The following TNFRSF10B variants were observed in gnomAD, a reference collection of about 807,000 sequenced individuals.
TNFRSF10B encodes the protein tumor necrosis factor receptor superfamily member 10B.
Under a neutral mutation model 41.4 loss-of-function variants are expected in TNFRSF10B, and 35 were observed. That is an observed-to-expected ratio of 0.85 (90% CI 0.65 to 1.12). The LOEUF (loss-of-function observed/expected upper bound fraction) is 1.12. Ranked by LOEUF, TNFRSF10B falls within the 50% of genes most tolerant of loss-of-function variation. TNFRSF10B has a pLI of 0.00. For missense variants in TNFRSF10B, 584 were observed against 552.7 expected (o/e 1.06, Z -0.57); for synonymous variants, 230 against 215.5 (o/e 1.07, Z -0.59).
At chr8:23,057,325 G>T (rs1032811111) in intron 1 of TNFRSF10B, among the ~76,000 whole-genome samples, 1 of 151,554 alleles carries the variant, frequency 6.6e-6, no homozygotes, top group African/African-American at 2.4e-5. Flanking sequence ...GATTACAGGC[G>T]TGAGCCACCG....
chr8:23,056,837 T>C (rs1812683134), intron 1 of TNFRSF10B, among the ~76,000 whole-genome samples: 1 of 152,142 alleles, frequency 6.6e-6, no homozygotes, highest in Non-Finnish European at 1.5e-5. Flanking sequence ...TATTTCCAAT[T>C]GAATTTCATT....
chr8:23,050,467 T>C (rs527365286), intron 1 of TNFRSF10B, among the ~76,000 whole-genome samples: 4 of 152,316 alleles, frequency 2.6e-5, no homozygotes, highest in Admixed American at 6.5e-5. Context: ...TATGTGTGTG[T>C]GTGCGCACGG....
intron 2 of TNFRSF10B, among the ~76,000 whole-genome samples, chr8:23,042,088 T>C (rs1448388699): frequency 6.6e-6 from 1 of 152,202 alleles, no homozygotes; most frequent in African/African-American, 2.4e-5. Context: ...TCCCCACACG[T>C]CATCCATCCA....
At chr8:23,049,491 C>A (rs1812459391) in intron 1 of TNFRSF10B, among the ~76,000 whole-genome samples, 1 of 152,142 alleles carries the variant, frequency 6.6e-6, no homozygotes, top group South Asian at 2.1e-4. Context: ...CACCCCAGCA[C>A]CTGGACCCAT....
At chr8:23,041,458 A>G (rs563125391) in intron 2 of TNFRSF10B, among the ~76,000 whole-genome samples, 28 of 152,218 alleles carry the variant, frequency 1.8e-4, no homozygotes, top group African/African-American at 6.3e-4. Flanking sequence ...CTTGAGCCCA[A>G]GTGGTTGAGG....
intron 2 of TNFRSF10B, among the ~76,000 whole-genome samples, chr8:23,035,878 G>T (rs1294122860): frequency 1.3e-5 from 2 of 152,166 alleles, no homozygotes; most frequent in African/African-American, 4.8e-5. Context: ...CTAGTTTTGA[G>T]TGGTGCTCAG....
intron 5 of TNFRSF10B, 44 bp downstream of exon 5, chr8:23,028,287 A>G (rs1811771573): frequency 1.2e-6 from 2 of 1,612,256 alleles, no homozygotes; most frequent in South Asian, 2.2e-5. Context: ...GGGAGGGGGC[A>G]GGGCAGAGAG....
intron 1 of TNFRSF10B, among the ~76,000 whole-genome samples, chr8:23,045,298 T>C (rs1295596758): frequency 6.6e-6 from 1 of 151,882 alleles, no homozygotes; most frequent in Non-Finnish European, 1.5e-5. Flanking sequence ...ATGAAAATAT[T>C]ATGAACAATT....
At chr8:23,040,236 C>A (rs1812132727) in intron 2 of TNFRSF10B, among the ~76,000 whole-genome samples, 1 of 139,198 alleles carries the variant, frequency 7.2e-6, no homozygotes, top group African/African-American at 2.7e-5. Context: ...AAGATATATA[C>A]TAAGTATATA....
chr8:23,042,533 C>T (rs769218357), intron 2 of TNFRSF10B, among the ~76,000 whole-genome samples: 9 of 152,128 alleles, frequency 5.9e-5, no homozygotes, highest in Non-Finnish European at 1.0e-4. Context: ...CAGGGGAGCG[C>T]CTCACACTCA....
At chr8:23,063,625 T>C (rs1005936547) in intron 1 of TNFRSF10B, among the ~76,000 whole-genome samples, 23 of 152,140 alleles carry the variant, frequency 1.5e-4, no homozygotes, top group African/African-American at 5.6e-4. Flanking sequence ...TGCGTTATCA[T>C]CATTTCCCTC....
Position 23,029,634 on chromosome 8 carries a change from T to C in TNFRSF10B, c.452A>G (p.Glu151Gly). The C allele has an allele frequency of 1.2e-6, 2 of 1,612,774 alleles. No homozygotes were observed. Among genetic ancestry groups the C allele is most frequent in the Non-Finnish European group, 1.7e-6 (2 of 1,179,518 alleles). Residue 151 changes from glutamate to glycine, a missense_variant, in exon 4 of 9, where the codon GAG (glutamate) becomes GGG (glycine). Transcript: ENST00000276431. ...EGTFREEDSPEMCRKCRTGCP... is the reference protein window; with the variant it reads ...EGTFREEDSPGMCRKCRTGCP... ...CCCTGTGCGGCACTTCCGGCACATC[T>C]CAGGAGAATCTTCTTCCCGGAAGGT...
At chr8:23,038,371 G>A (rs766373797) in intron 2 of TNFRSF10B, among the ~76,000 whole-genome samples, 1 of 152,212 alleles carries the variant, frequency 6.6e-6, no homozygotes, top group Non-Finnish European at 1.5e-5. Context: ...AGAATGCACA[G>A]CGAAAGAAGC....
rs1434444572 is a variant in TNFRSF10B, at chr8:23,043,228, CAG to C, written c.158_159del (p.Ser53CysfsTer39). The C allele has an allele frequency of 2.5e-6, 4 of 1,613,986 alleles. No homozygotes were observed. Among genetic ancestry groups the C allele is most frequent in the Non-Finnish European group, 2.5e-6 (3 of 1,180,020 alleles). On this transcript the variant is annotated frameshift_variant, in exon 2 of 9. Transcript: ENST00000276431. LOFTEE classifies it high-confidence loss of function. ...GCTAGGTCTTGTTGGGTGATCAGAG[CAG>C]ACTCAGCTGAGACCTGTGGGGACAA... Reference protein sequence around the residue: ...AAVLLLVSAESALITQQDLAP... With the variant: ...AAVLLLVSAEXALITQQDLAP...
chr8:23,048,002 A>G (rs1812412862), intron 1 of TNFRSF10B, among the ~76,000 whole-genome samples: 1 of 152,264 alleles, frequency 6.6e-6, no homozygotes, highest in Non-Finnish European at 1.5e-5. Flanking sequence ...TATGTAGACA[A>G]TACAGAATAC....
intron 1 of TNFRSF10B, among the ~76,000 whole-genome samples, chr8:23,043,720 ACTT>A (rs1430278192): frequency 6.6e-6 from 1 of 152,242 alleles, no homozygotes; most frequent in Non-Finnish European, 1.5e-5. Context: ...TAAATAGTGA[ACTT>A]CTGATTTAAA....
intron 1 of TNFRSF10B, among the ~76,000 whole-genome samples, chr8:23,057,605 G>C (rs1054327784): frequency 6.6e-6 from 1 of 151,380 alleles, no homozygotes; most frequent in African/African-American, 2.4e-5. Context: ...GCTGATTTTT[G>C]TATTTTTAGT....
intron 8 of TNFRSF10B, among the ~76,000 whole-genome samples, chr8:23,023,281 G>C (rs941034472): frequency 6.6e-6 from 1 of 152,208 alleles, no homozygotes; most frequent in Non-Finnish European, 1.5e-5. Flanking sequence ...AGTAAAGTGC[G>C]TGAGAGTCCG....
At chr8:23,049,368 A>G (rs1187922159) in intron 1 of TNFRSF10B, among the ~76,000 whole-genome samples, 1 of 152,164 alleles carries the variant, frequency 6.6e-6, no homozygotes, top group Non-Finnish European at 1.5e-5. Flanking sequence ...GGATTAAACA[A>G]GTTTTACTGG....
Sources: allele counts gnomAD v4.1 joint callset (sites outside exome capture counted in the v4.1 genomes callset), GRCh38; gene constraint gnomAD v4.1.1; transcripts MANE v1.5; gene names NCBI Gene and HGNC (gene_info 2026-07-23, HGNC 2026-07-21).